Variants in RPS6KA5 observed in about 807,000 individuals in gnomAD.
RPS6KA5 encodes the protein ribosomal protein S6 kinase A5.
A neutral mutation model predicts 85.5 loss-of-function variants in RPS6KA5; 27 were observed. The observed-to-expected ratio is 0.32, with a 90% CI of 0.23 to 0.44. The LOEUF is 0.44. Ranked by LOEUF, RPS6KA5 falls within the 20% of genes least tolerant of loss-of-function variation. The probability of loss-of-function intolerance (pLI) is 1.00; values close to 1 mark genes in which losing one functional copy is unlikely to be tolerated. For missense variants in RPS6KA5, 811 were observed against 980.9 expected (o/e 0.83, Z 2.31); for synonymous variants, 334 against 348.2 (o/e 0.96, Z 0.46).
At chr14:90,943,453 G>A (rs112121764) in intron 4 of RPS6KA5, among the ~76,000 whole-genome samples, 12 of 151,982 alleles carry the variant, frequency 7.9e-5, no homozygotes, top group Non-Finnish European at 1.5e-4. Context: ...CTCTTGACTC[G>A]TGCTTCTTCA....
At chr14:90,993,946 T>A (rs762456700) in intron 2 of RPS6KA5, among the ~76,000 whole-genome samples, 1 of 151,996 alleles carries the variant, frequency 6.6e-6, no homozygotes, top group Non-Finnish European at 1.5e-5. Context: ...TGGAGTGTAG[T>A]GATGTGATCA....
chr14:90,981,752 A>AAG (rs2039798465), intron 2 of RPS6KA5, among the ~76,000 whole-genome samples: 1 of 152,244 alleles, frequency 6.6e-6, no homozygotes, highest in African/African-American at 2.4e-5. Context: ...ACAATGCTTC[A>AAG]CCACATGGTA....
At chr14:90,892,386 A>C (rs2034612969) in intron 13 of RPS6KA5, among the ~76,000 whole-genome samples, 4 of 152,154 alleles carry the variant, frequency 2.6e-5, no homozygotes, top group South Asian at 4.1e-4. Flanking sequence ...CCTATTCCGG[A>C]ATATGTAAAA....
chr14:90,851,231 G>T lies in RPS6KA5; in HGVS notation c.*20843C>A, dbSNP rs961979740. 1 of 152,086 alleles carries T rather than the reference G, an allele frequency of 6.6e-6. No homozygotes were observed. Among genetic ancestry groups the T allele is most frequent in the South Asian group, 2.1e-4 (1 of 4,822 alleles). The allele number at this position is 152,086 out of a possible 1,614,324, so 9.4% of individuals were successfully genotyped here. ...TTTTTTGTACTTTTAGTAGAGACGG[G>T]GTTTCACCGTGTTAGCCAGGATGGT... On this transcript the variant is annotated 3_prime_UTR_variant, in exon 17 of 17. Coordinates refer to ENST00000614987, the MANE Select transcript of RPS6KA5 (RefSeq NM_004755.4).
chr14:91,029,753 AATAAG>A (rs2042114378), intron 1 of RPS6KA5, among the ~76,000 whole-genome samples: 1 of 152,240 alleles, frequency 6.6e-6, no homozygotes, highest in Non-Finnish European at 1.5e-5. Context: ...GTAAGGATTA[AATAAG>A]ATAATAAATG....
intron 1 of RPS6KA5, among the ~76,000 whole-genome samples, chr14:91,013,236 ATGCT>A (rs2041334225): frequency 6.6e-6 from 1 of 152,324 alleles, no homozygotes; most frequent in East Asian, 1.9e-4. Context: ...AACATCTTGA[ATGCT>A]TACTTATATC....
chr14:90,934,253 T>A (rs1228260891), intron 5 of RPS6KA5, among the ~76,000 whole-genome samples: 2 of 152,178 alleles, frequency 1.3e-5, no homozygotes, highest in Admixed American at 6.5e-5. Context: ...TGGAAAAAAT[T>A]ATAAAATTTT....
chr14:91,019,420 T>C (rs1270879384), intron 1 of RPS6KA5, among the ~76,000 whole-genome samples: 1 of 152,158 alleles, frequency 6.6e-6, no homozygotes, highest in Non-Finnish European at 1.5e-5. Flanking sequence ...AGCACAGTCT[T>C]CAGACTTTAT....
chr14:91,034,589 G>A (rs1485574383), intron 1 of RPS6KA5, among the ~76,000 whole-genome samples: 1 of 152,134 alleles, frequency 6.6e-6, no homozygotes, highest in East Asian at 1.9e-4. Flanking sequence ...TCTGTAAAAT[G>A]GACCAATCAG....
rs958329810 is a variant in RPS6KA5, at chr14:90,850,639, C to G, written c.*21435G>C. 1 of 152,352 alleles carries G rather than the reference C, an allele frequency of 6.6e-6. No individual in the cohort carries two copies. Among genetic ancestry groups the G allele is most frequent in the South Asian group, 2.1e-4 (1 of 4,830 alleles). 9.4% of individuals were successfully genotyped at this position (152,352 alleles called of 1,614,324 possible). On this transcript the variant is annotated 3_prime_UTR_variant, in exon 17 of 17. Transcript: ENST00000614987. ...CAAAGTAGTGAGGTAGCAGCCCCCA[C>G]TTTCCCAAAAAGTTTTCAGGAAAAG...
chr14:90,893,876 G>A (rs940580564), intron 13 of RPS6KA5: 2 of 422,000 alleles, frequency 4.7e-6, no homozygotes, highest in Non-Finnish European at 6.3e-6. Flanking sequence ...TGTTACTTTT[G>A]CATTGCTACA....
rs1225876114 is a variant in RPS6KA5, at chr14:90,855,104, CATATTGATAAAACTTTTG to C, written c.*16952_*16969del. The C allele has an allele frequency of 6.6e-6, 1 of 152,128 alleles. No homozygotes were observed. The allele number at this position is 152,128 out of a possible 1,614,324, so 9.4% of individuals were successfully genotyped here. ...GAATAAAAAGATGTATAAGTTCACT[CATATTGATAAAACTTTTG>C]CATTCAAATGAATACAGATTATCTA... is the stretch of plus-strand genomic sequence containing the variant. On this transcript the variant is annotated 3_prime_UTR_variant, in exon 17 of 17. Transcript: ENST00000614987.
chr14:91,008,319 A>C (rs2041116400), intron 1 of RPS6KA5, among the ~76,000 whole-genome samples: 1 of 152,254 alleles, frequency 6.6e-6, no homozygotes. Flanking sequence ...ATGCTAAGGC[A>C]CTCATATGCC....
At chr14:90,982,434 C>A (rs2039835231) in intron 2 of RPS6KA5, among the ~76,000 whole-genome samples, 1 of 152,100 alleles carries the variant, frequency 6.6e-6, no homozygotes, top group Non-Finnish European at 1.5e-5. Flanking sequence ...TGCACTACAG[C>A]CTGTGTGACA....
At chr14:90,910,125 C>A (rs1030215051) in intron 7 of RPS6KA5, among the ~76,000 whole-genome samples, 2 of 151,944 alleles carry the variant, frequency 1.3e-5, no homozygotes, top group African/African-American at 2.4e-5. Context: ...TAGCAAAAGG[C>A]CACAAATGTT....
chr14:90,879,707 A>G (rs1460820017), intron 14 of RPS6KA5, among the ~76,000 whole-genome samples: 1 of 152,068 alleles, frequency 6.6e-6, no homozygotes, highest in Admixed American at 6.5e-5. Flanking sequence ...TAATAACATA[A>G]TATGACACAA....
At chr14:91,047,683 T>C (rs1228369432) in intron 1 of RPS6KA5, among the ~76,000 whole-genome samples, 1 of 152,206 alleles carries the variant, frequency 6.6e-6, no homozygotes, top group Non-Finnish European at 1.5e-5. Context: ...CACGGCTTAC[T>C]AACACCACAA....
chr14:91,059,335 T>C (rs56317941), intron 1 of RPS6KA5, among the ~76,000 whole-genome samples: 47,877 of 146,668 alleles, frequency 0.33, 8,185 homozygotes, highest in African/African-American at 0.44. Flanking sequence ...AGCGAAACTC[T>C]GTCTGAAAAA....
chr14:90,985,613 A>G (rs1423697802), intron 2 of RPS6KA5, among the ~76,000 whole-genome samples: 1 of 152,254 alleles, frequency 6.6e-6, no homozygotes, highest in Non-Finnish European at 1.5e-5. Flanking sequence ...TAACAAACTT[A>G]TTAACTATTG....
Sources: allele counts gnomAD v4.1 joint callset (sites outside exome capture counted in the v4.1 genomes callset), GRCh38; gene constraint gnomAD v4.1.1; transcripts MANE v1.5; gene names NCBI Gene and HGNC (gene_info 2026-07-23, HGNC 2026-07-21).